PLCL1: variants seen among roughly 807,000 people sequenced by gnomAD.
PLCL1 encodes phospholipase C like 1 (inactive), also known as inactive phospholipase C-like protein 1.
Under a neutral mutation model 84.4 loss-of-function variants are expected in PLCL1, and 41 were observed. The ratio of observed to expected loss-of-function variants is 0.49; its 90% CI spans 0.38 to 0.63. The LOEUF (loss-of-function observed/expected upper bound fraction) is 0.63. Ranked by LOEUF, PLCL1 falls within the 30% of genes least tolerant of loss-of-function variation. The pLI, the probability that PLCL1 is intolerant of heterozygous loss-of-function variation, is 0.00. For synonymous variants in PLCL1, 490 were observed against 488.3 expected (o/e 1.00, Z -0.05); for missense variants, 1,206 against 1,367.8 (o/e 0.88, Z 1.87).
At chr2:198,035,610 G>A (rs1003612405) in intron 1 of PLCL1, among the ~76,000 whole-genome samples, 9 of 152,170 alleles carry the variant, frequency 5.9e-5, no homozygotes, top group African/African-American at 2.2e-4. Context: ...AGGACAATGT[G>A]ACCATAAAAA....
In PLCL1 at chr2:198,086,193, T is replaced by A; in HGVS notation, c.2676T>A (p.His892Gln). The change falls in exon 2 of 6, where the codon CAT becomes CAA. Residue 892 changes from histidine (H) to glutamine (Q), a missense_variant. Coordinates refer to ENST00000428675, the MANE Select transcript of PLCL1 (RefSeq NM_006226.4). ...TIDDIFKIAV[H>Q]PLREAIDMRE... Reference sequence around the variant, plus strand: ...ATGACATCTTTAAAATAGCGGTTCATCCATTACGAGAAGCCATAGATATGA... The same window carrying A: ...ATGACATCTTTAAAATAGCGGTTCAACCATTACGAGAAGCCATAGATATGA... The A allele has an allele frequency of 1.2e-6, 2 of 1,613,614 alleles. No homozygotes were observed. Among genetic ancestry groups the A allele is most frequent in the Non-Finnish European group, 1.7e-6 (2 of 1,179,676 alleles).
chr2:197,890,739 T>C (rs1332987544), intron 1 of PLCL1, among the ~76,000 whole-genome samples: 2 of 146,480 alleles, frequency 1.4e-5, no homozygotes, highest in Admixed American at 1.4e-4. Context: ...TATGTACGTA[T>C]ATATGTATAC....
chr2:198,023,477 A>G (rs1170817776), intron 1 of PLCL1, among the ~76,000 whole-genome samples: 5 of 152,236 alleles, frequency 3.3e-5, no homozygotes, highest in Non-Finnish European at 7.3e-5. Flanking sequence ...ACAGAATGGG[A>G]GAAAATTTTT....
At chr2:197,959,766 T>C (rs1414295739) in intron 1 of PLCL1, among the ~76,000 whole-genome samples, 1 of 152,090 alleles carries the variant, frequency 6.6e-6, no homozygotes, top group Non-Finnish European at 1.5e-5. Context: ...AAACAAGTGA[T>C]GATCTGGCAA....
chr2:198,095,728 T>C (rs1693174724), intron 3 of PLCL1, among the ~76,000 whole-genome samples: 1 of 152,202 alleles, frequency 6.6e-6, no homozygotes, highest in Non-Finnish European at 1.5e-5. Flanking sequence ...GTAATTTTAG[T>C]AGGGCACTAT....
chr2:198,049,158 C>G (rs1479418753), intron 1 of PLCL1, among the ~76,000 whole-genome samples: 1 of 152,172 alleles, frequency 6.6e-6, no homozygotes, highest in African/African-American at 2.4e-5. Context: ...GTGGTGTGCA[C>G]AGGTCTACCT....
In PLCL1 at chr2:197,805,147, G is replaced by A; in HGVS notation, c.48G>A (p.Ala16=). The A allele has an allele frequency of 7.7e-7, 1 of 1,305,106 alleles. No homozygotes were observed. The highest frequency in any genetic ancestry group is 9.7e-7 in the Non-Finnish European group (1 of 1,031,406). The allele number at this position is 1,305,106 out of a possible 1,614,324, so 80.8% of individuals were successfully genotyped here. The change falls in exon 1 of 6, where the codon GCG becomes GCA. Residue 16 remains alanine, a synonymous_variant. Transcript: ENST00000428675. This position sits in a 1 kb window ranked among gnomAD's most constrained non-coding sequence, Gnocchi z 4.0. ...AGREDPAPPD[A]AGGEDDPRVG... ...GGGAGGATCCGGCGCCGCCCGACGC[G>A]GCGGGGGGCGAAGACGACCCCCGAG...
chr2:198,040,043 G>A (rs1369653998), intron 1 of PLCL1, among the ~76,000 whole-genome samples: 1 of 152,126 alleles, frequency 6.6e-6, no homozygotes, highest in Non-Finnish European at 1.5e-5. Flanking sequence ...GTCCGAAGTA[G>A]GGCAATAAAT....
At chr2:198,024,689 G>C (rs551425972) in intron 1 of PLCL1, among the ~76,000 whole-genome samples, 1 of 152,116 alleles carries the variant, frequency 6.6e-6, no homozygotes, top group African/African-American at 2.4e-5. Context: ...CATGAACCCA[G>C]GAGGCAGAGG....
At chr2:198,036,733 A>G (rs1371730254) in intron 1 of PLCL1, among the ~76,000 whole-genome samples, 2 of 152,204 alleles carry the variant, frequency 1.3e-5, no homozygotes, top group Non-Finnish European at 2.9e-5. Flanking sequence ...AAACTTTGCT[A>G]CTAGTCCATA....
At chr2:198,108,900 A>T (rs574853881) in intron 5 of PLCL1, among the ~76,000 whole-genome samples, 33 of 151,948 alleles carry the variant, frequency 2.2e-4, no homozygotes, top group African/African-American at 7.2e-4. Flanking sequence ...CTTTTTCACT[A>T]TTGTACATGA....
chr2:197,952,170 T>A (rs1244071410), intron 1 of PLCL1, among the ~76,000 whole-genome samples: 1 of 152,150 alleles, frequency 6.6e-6, no homozygotes, highest in Non-Finnish European at 1.5e-5. Context: ...AATCCTTCTA[T>A]CCCGTGATAG....
At chr2:197,811,001 G>A (rs1013828195) in intron 1 of PLCL1, among the ~76,000 whole-genome samples, 1 of 152,132 alleles carries the variant, frequency 6.6e-6, no homozygotes, top group African/African-American at 2.4e-5. Flanking sequence ...GAAATCTAAG[G>A]TAATAAATCA....
chr2:198,128,043 C>T (rs547595444), intron 5 of PLCL1, among the ~76,000 whole-genome samples: 4 of 152,088 alleles, frequency 2.6e-5, no homozygotes, highest in South Asian at 2.1e-4. Context: ...ATTTGAACAA[C>T]GATCAGTACT....
chr2:198,113,640 C>G (rs1454665281), intron 5 of PLCL1, among the ~76,000 whole-genome samples: 1 of 151,820 alleles, frequency 6.6e-6, no homozygotes, highest in Non-Finnish European at 1.5e-5. Context: ...ATTCCAAAAC[C>G]CTGCCTTGTA....
intron 1 of PLCL1, among the ~76,000 whole-genome samples, chr2:198,065,343 T>G (rs564236805): frequency 6.6e-6 from 1 of 152,318 alleles, no homozygotes; most frequent in Admixed American, 6.5e-5. Context: ...AGAAAGCTTT[T>G]CAAGTCTAAA....
chr2:198,040,151 T>A (rs1691625803), intron 1 of PLCL1, among the ~76,000 whole-genome samples: 2 of 152,168 alleles, frequency 1.3e-5, no homozygotes, highest in Admixed American at 1.3e-4. Flanking sequence ...TACTTTGTTA[T>A]GGAAATCATA....
At position 198,112,656 on chromosome 2, in the gene PLCL1, G is replaced by T. The variant is rs148320175; in HGVS notation, c.3105+8720G>T. Reference sequence around the variant, plus strand: ...TTACTTCTTCAATTTTCATTTTGTTGTAAAGTTTATTTCAATTTTTTTGTC... The same window carrying T: ...TTACTTCTTCAATTTTCATTTTGTTTTAAAGTTTATTTCAATTTTTTTGTC... On this transcript the variant is annotated intron_variant, in intron 5 of 5. Transcript: ENST00000428675. Among the ~76,000 whole-genome samples, 688 of 151,846 alleles carry T rather than the reference G, an allele frequency of 4.5e-3. 12 individuals are homozygous for T. Among genetic ancestry groups the T allele is most frequent in the African/African-American group, 0.015 (632 of 41,462 alleles).
At chr2:197,926,148 G>T (rs898206040) in intron 1 of PLCL1, among the ~76,000 whole-genome samples, 1 of 152,134 alleles carries the variant, frequency 6.6e-6, no homozygotes, top group Non-Finnish European at 1.5e-5. Flanking sequence ...GGCTCACTGT[G>T]ATTTTTTTCT....
Sources: allele counts gnomAD v4.1 joint callset (sites outside exome capture counted in the v4.1 genomes callset), GRCh38; gene constraint gnomAD v4.1.1; non-coding constraint Gnocchi (gnomAD v3.1); transcripts MANE v1.5; gene names NCBI Gene and HGNC (gene_info 2026-07-23, HGNC 2026-07-21).